GRM7: variants seen among roughly 807,000 people sequenced by gnomAD.
GRM7 encodes the protein glutamate metabotropic receptor 7.
A neutral mutation model predicts 84.5 loss-of-function variants in GRM7; 35 were observed. The observed-to-expected ratio is 0.41, with a 90% CI of 0.32 to 0.55. GRM7 has a LOEUF of 0.55. Among genes scored for constraint, GRM7 ranks in the 20% least tolerant of loss-of-function variants. GRM7 has a pLI of 0.19. For missense variants in GRM7, 1,003 were observed against 1,194.6 expected, an observed-to-expected ratio of 0.84 and a Z score of 2.36; for synonymous variants, 487 against 455.1, an observed-to-expected ratio of 1.07 and a Z score of -0.89.
At chr3:7,203,606 T>C (rs1696138053) in intron 2 of GRM7, among the ~76,000 whole-genome samples, 1 of 152,202 alleles carries the variant, frequency 6.6e-6, no homozygotes, top group Non-Finnish European at 1.5e-5. Flanking sequence ...TTTGCATAAA[T>C]ATGCAGTAGT....
intron 8 of GRM7, among the ~76,000 whole-genome samples, chr3:7,639,362 T>A (rs887474272): frequency 3.9e-5 from 6 of 152,216 alleles, no homozygotes; most frequent in Non-Finnish European, 8.8e-5. Flanking sequence ...GGCTCCCATT[T>A]ACCTGATGAT....
intron 2 of GRM7, among the ~76,000 whole-genome samples, chr3:7,239,399 G>A (rs771281176): frequency 1.4e-4 from 21 of 152,238 alleles, no homozygotes; most frequent in Non-Finnish European, 2.9e-4. Flanking sequence ...CACTATCCAG[G>A]AAGCTCTGGG....
intron 2 of GRM7, among the ~76,000 whole-genome samples, chr3:7,197,227 G>A (rs865911956): frequency 1.6e-4 from 24 of 152,250 alleles, no homozygotes; most frequent in African/African-American, 3.6e-4. Context: ...GCTTAAGACC[G>A]AATTCCCAAC....
At chr3:7,472,167 T>A (rs1230587628) in intron 7 of GRM7, among the ~76,000 whole-genome samples, 1 of 152,186 alleles carries the variant, frequency 6.6e-6, no homozygotes, top group Non-Finnish European at 1.5e-5. Context: ...CATCACCTTC[T>A]GCCATGAGTG....
chr3:7,650,159 G>A (rs115127258), intron 8 of GRM7, among the ~76,000 whole-genome samples: 252 of 152,254 alleles, frequency 1.7e-3, no homozygotes, highest in African/African-American at 5.0e-3. Flanking sequence ...GATGTTTCGA[G>A]GTTAATGCTA....
At chr3:6,898,800 A>G (rs1458551990) in intron 1 of GRM7, among the ~76,000 whole-genome samples, 2 of 149,984 alleles carry the variant, frequency 1.3e-5, no homozygotes, top group Non-Finnish European at 2.9e-5. Context: ...ACAGGGCAGC[A>G]GTATGAGATT....
At chr3:6,911,417 A>T (rs188753103) in intron 1 of GRM7, among the ~76,000 whole-genome samples, 1 of 152,276 alleles carries the variant, frequency 6.6e-6, no homozygotes, top group South Asian at 2.1e-4. Context: ...ATGTTCCTTC[A>T]TCCAACCAGT....
intron 1 of GRM7, among the ~76,000 whole-genome samples, chr3:6,958,945 A>G (rs1693182111): frequency 6.6e-6 from 1 of 152,238 alleles, no homozygotes; most frequent in Non-Finnish European, 1.5e-5. Context: ...TGAAAAACAT[A>G]AAATTATAAC....
intron 5 of GRM7, among the ~76,000 whole-genome samples, chr3:7,426,094 C>T (rs12494168): frequency 0.38 from 54,594 of 142,766 alleles, 10,581 homozygotes; most frequent in Non-Finnish European, 0.45. Context: ...CCATATCATA[C>T]GTTCTTTCTT....
chr3:7,473,299 C>A (rs962597599), intron 7 of GRM7, among the ~76,000 whole-genome samples: 1 of 152,036 alleles, frequency 6.6e-6, no homozygotes, highest in Non-Finnish European at 1.5e-5. Context: ...AAAACCCCAT[C>A]TATACAAAAA....
rs566319178 is a variant in GRM7 at position 7,428,362 on chromosome 3, T to A, written c.1174+13199T>A. ...GGAGAGTGCCTAACTGTGGCTCAAC[T>A]TTTTTTCTCCTGGGACAGCCTGTTT... On this transcript the variant is annotated intron_variant, in intron 5 of 9. Transcript: ENST00000357716. Among the ~76,000 whole-genome samples, 19 of 152,308 alleles carry A rather than the reference T, an allele frequency of 1.2e-4. 1 individual carries two copies. The South Asian group carries it at 2.9e-3, about 23-fold the overall frequency.
At chr3:7,161,701 A>C (rs1694629514) in intron 2 of GRM7, among the ~76,000 whole-genome samples, 1 of 152,202 alleles carries the variant, frequency 6.6e-6, no homozygotes, top group South Asian at 2.1e-4. Context: ...CATTACTTCT[A>C]TTATTTATTC....
intron 5 of GRM7, among the ~76,000 whole-genome samples, chr3:7,416,883 A>C (rs1398524228): frequency 6.6e-6 from 1 of 152,118 alleles, no homozygotes; most frequent in Non-Finnish European, 1.5e-5. Context: ...GGTACATTCA[A>C]GTGCACCGGA....
At chr3:7,044,517 T>G (rs527689693) in intron 1 of GRM7, among the ~76,000 whole-genome samples, 10 of 152,296 alleles carry the variant, frequency 6.6e-5, no homozygotes, top group Admixed American at 4.6e-4. Flanking sequence ...TTTTCAACAC[T>G]TCCCAATCTA....
chr3:7,379,760 C>T (rs1434476481), intron 4 of GRM7, among the ~76,000 whole-genome samples: 3 of 152,108 alleles, frequency 2.0e-5, no homozygotes, highest in Non-Finnish European at 4.4e-5. Context: ...TATGTTCCTT[C>T]TGTTTGTAGG....
intron 1 of GRM7, among the ~76,000 whole-genome samples, chr3:6,983,052 T>C (rs1017823281): frequency 9.8e-5 from 15 of 152,378 alleles, no homozygotes; most frequent in African/African-American, 3.4e-4. Context: ...TAGGCGAAGA[T>C]ATTTTTGAAT....
At chr3:7,660,098 T>G (rs759114151) in intron 8 of GRM7, among the ~76,000 whole-genome samples, 3 of 152,234 alleles carry the variant, frequency 2.0e-5, no homozygotes, top group Non-Finnish European at 4.4e-5. Context: ...AATAAAACCT[T>G]ATGGTTTAAC....
At chr3:7,439,265 G>A (rs534300388) in intron 5 of GRM7, among the ~76,000 whole-genome samples, 3 of 152,212 alleles carry the variant, frequency 2.0e-5, no homozygotes, top group African/African-American at 7.2e-5. Context: ...TTTGGAAGCT[G>A]GAGATAGTGT....
chr3:6,866,931 A>G (rs1694956581), intron 1 of GRM7, among the ~76,000 whole-genome samples: 1 of 152,164 alleles, frequency 6.6e-6, no homozygotes, highest in African/African-American at 2.4e-5. Flanking sequence ...CTCTCTCTGG[A>G]ATTTTTAAGC....
Sources: allele counts gnomAD v4.1 joint callset (sites outside exome capture counted in the v4.1 genomes callset), GRCh38; gene constraint gnomAD v4.1.1; transcripts MANE v1.5; gene names NCBI Gene and HGNC (gene_info 2026-07-23, HGNC 2026-07-21).